ANKRD2: variants seen among roughly 807,000 people sequenced by gnomAD.
The protein encoded by ANKRD2 is ankyrin repeat domain-containing protein 2.
In ANKRD2, 35 loss-of-function variants were observed where a neutral mutation model predicts 37.3. The ratio of observed to expected loss-of-function variants is 0.94; its 90% confidence interval spans 0.72 to 1.24. The LOEUF (loss-of-function observed/expected upper bound fraction) is 1.24, where lower values mean the gene tolerates loss of function less well. ANKRD2 is among the 50% of genes most tolerant of loss of function. The pLI, the probability that ANKRD2 is intolerant of heterozygous loss-of-function variation, is 0.00. For missense variants in ANKRD2, 410 were observed against 445.6 expected (o/e 0.92, Z 0.72); for synonymous variants, 159 against 186.5 (o/e 0.85, Z 1.20).
At position 97,583,677 on chromosome 10, in the gene ANKRD2, G is replaced by T; in HGVS notation, c.954G>T (p.Gly318=). ...GGGCTGAGCATAACGGGCTGGAGGG[G>T]CCTAATGATAGTGGGCGAGAGACCC... ...EPGAEHNGLE[G]PNDSGRETPQ... The change falls in exon 9 of 9, where the codon GGG becomes GGT. Residue 318 remains glycine, a synonymous_variant. Transcript: ENST00000370655. 6.2e-7 allele frequency: 1 copy of T among 1,600,176 alleles called. No homozygotes were observed. The highest frequency in any genetic ancestry group is 8.5e-7 in the Non-Finnish European group (1 of 1,174,040).
At chr10:97,583,351 T>C (rs2040927755) in intron 8 of ANKRD2, among the ~76,000 whole-genome samples, 1 of 152,178 alleles carries the variant, frequency 6.6e-6, no homozygotes, top group Non-Finnish European at 1.5e-5. Context: ...TAGGGGACCA[T>C]CCTATGCCTT....
At chr10:97,576,148 C>G (rs1442444712) in intron 1 of ANKRD2, among the ~76,000 whole-genome samples, 1 of 152,174 alleles carries the variant, frequency 6.6e-6, no homozygotes, top group East Asian at 1.9e-4. Context: ...CTCTCAAAAC[C>G]ACCCTGAAGG....
At chr10:97,579,646 G>A (rs190489293) in intron 4 of ANKRD2, among the ~76,000 whole-genome samples, 13 of 151,316 alleles carry the variant, frequency 8.6e-5, no homozygotes, top group Admixed American at 2.6e-4. Flanking sequence ...GGAGTGCAGC[G>A]GTGCGATCTC....
At chr10:97,581,063 T>G in intron 5 of ANKRD2, 110 bp downstream of exon 5, 1 of 1,025,928 alleles carries the variant, frequency 9.7e-7, no homozygotes, top group Non-Finnish European at 1.5e-6. Context: ...GTTGCTCAGG[T>G]GCCAGACTCC....
chr10:97,582,328 C>T lies in ANKRD2; in HGVS notation c.668C>T (p.Pro223Leu), dbSNP rs145093754. The change falls in exon 7 of 9, where the codon CCG becomes CTG. Residue 223 changes from proline to leucine, a missense_variant. Physicochemically the swap from Pro to Leu is moderately conservative, Grantham distance 98. Transcript: ENST00000370655. ...CCTCCCACCCAGCTGCTGAGCACCC[C>T]GCTGCACGTGGCAGTCCGGACAGGG... ...TNVRDKLLST[P>L]LHVAVRTGQV... 1,069 of 1,556,264 alleles carry T rather than the reference C, an allele frequency of 6.9e-4. 6 individuals are homozygous for T. Among genetic ancestry groups the T allele is most frequent in the African/African-American group, 2.8e-3 (203 of 73,464 alleles).
chr10:97,576,167 C>T (rs534915451), intron 1 of ANKRD2, among the ~76,000 whole-genome samples: 26 of 152,248 alleles, frequency 1.7e-4, no homozygotes, highest in African/African-American at 6.3e-4. Context: ...GGAGCAAATG[C>T]GGGAGCTCAG....
intron 1 of ANKRD2, among the ~76,000 whole-genome samples, chr10:97,576,127 T>C (rs2040823213): frequency 6.6e-6 from 1 of 152,158 alleles, no homozygotes; most frequent in Admixed American, 6.5e-5. Context: ...AATGAAGACC[T>C]GGGAAATCGG....
chr10:97,580,834 T>C (rs1438648497), intron 4 of ANKRD2, 21 bp from the exon 5 acceptor site: 1 of 1,595,316 alleles, frequency 6.3e-7, no homozygotes, highest in Non-Finnish European at 8.6e-7. Flanking sequence ...GGCCAGGCCC[T>C]GACAGCCTCT....
intron 1 of ANKRD2, among the ~76,000 whole-genome samples, chr10:97,575,874 G>A (rs988833091): frequency 1.3e-5 from 2 of 150,436 alleles, no homozygotes; most frequent in Non-Finnish European, 2.9e-5. Flanking sequence ...TCACACCACC[G>A]CACTCCAGCC....
At chr10:97,577,144 C>T (rs1433311529) in intron 1 of ANKRD2, among the ~76,000 whole-genome samples, 1 of 151,988 alleles carries the variant, frequency 6.6e-6, no homozygotes. Context: ...GCTGGCACTA[C>T]AACAAAAGCC....
In ANKRD2 at chr10:97,580,921, G is replaced by C; in HGVS notation, c.523G>C (p.Asp175His). 6.2e-7 allele frequency: 1 copy of C among 1,605,856 alleles called. No individual in the cohort carries two copies. The highest frequency in any genetic ancestry group is 8.5e-7 in the Non-Finnish European group (1 of 1,176,400). ...CATGGAAATCCTGGAGAAGCTTCTA[G>C]ATAATGGGGCCACTGTGGACTTCCA... Reference protein sequence around the residue: ...GHMEILEKLLDNGATVDFQDR... With the variant: ...GHMEILEKLLHNGATVDFQDR... Residue 175 changes from aspartate to histidine, a missense_variant, in exon 5 of 9, where the codon GAT becomes CAT. By Grantham distance (81) the Asp-to-His change is moderately conservative (BLOSUM62 -1). Coordinates refer to ENST00000370655, the MANE Select transcript of ANKRD2 (RefSeq NM_001346793.2).
Position 97,582,528 on chromosome 10 carries a change from C to G in ANKRD2, c.754-76C>G, listed in dbSNP as rs376540091. 2.9e-4 allele frequency: 451 copies of G among 1,569,812 alleles called. 1 individual carries two copies. The African/African-American group carries it at 5.1e-3, about 18-fold the overall frequency. On this transcript the variant is annotated intron_variant, in intron 7 of 8. Coordinates refer to ENST00000370655, the MANE Select transcript of ANKRD2 (RefSeq NM_001346793.2). Reference sequence around the variant, plus strand: ...TCAGGACTTGGCTCCTGAGCAGGGTCTCCAGCCCACCTCCCATCACCCTTG... The same window carrying G: ...TCAGGACTTGGCTCCTGAGCAGGGTGTCCAGCCCACCTCCCATCACCCTTG...
At chr10:97,572,686 G>A (rs2040772956), upstream of ANKRD2, 1 of 1,589,756 alleles carries the variant, frequency 6.3e-7, no homozygotes, top group Non-Finnish European at 8.6e-7. Flanking sequence ...GGAGGCAGGT[G>A]GAGAATTGGG....
intron 6 of ANKRD2, among the ~76,000 whole-genome samples, chr10:97,582,099 A>G (rs1220777493): frequency 6.6e-6 from 1 of 152,234 alleles, no homozygotes; most frequent in Non-Finnish European, 1.5e-5. Flanking sequence ...GGAGAATCAC[A>G]GAAGGCTTCC....
chr10:97,578,164 CAGCTTAG>C, intron 2 of ANKRD2, 69 bp from the exon 3 acceptor site: 5 of 1,387,872 alleles, frequency 3.6e-6, no homozygotes, highest in Non-Finnish European at 2.9e-6. Flanking sequence ...CCCTCCCCAC[CAGCTTAG>C]CTCAGAGGTC....
rs1327193283 is a variant in ANKRD2 at position 97,583,627 on chromosome 10, C to T, written c.904C>T (p.His302Tyr). ...GCAGCTCTGGCAGGCTGATACCCGG[C>T]ACGCCCTGGAGCATCCTGAGCCGGG... The part of the protein sequence containing the change: ...LVQLWQADTR[H>Y]ALEHPEPGAE... Residue 302 changes from histidine (H) to tyrosine (Y), a missense_variant, in exon 9 of 9, where the codon CAC becomes TAC. By Grantham distance (83) the His-to-Tyr change is moderately conservative. Coordinates refer to ENST00000370655, the MANE Select transcript of ANKRD2 (RefSeq NM_001346793.2). 6.2e-7 allele frequency: 1 copy of T among 1,606,202 alleles called. No homozygotes were observed. The highest frequency in any genetic ancestry group is 1.1e-5 in the South Asian group (1 of 89,356).
At chr10:97,573,571 CAT>C in intron 1 of ANKRD2, among the ~76,000 whole-genome samples, 1 of 152,044 alleles carries the variant, frequency 6.6e-6, no homozygotes, top group East Asian at 1.9e-4. Context: ...GGATTACAGG[CAT>C]GCACCACCAT....
chr10:97,572,981 A>G, intron 1 of ANKRD2, 106 bp downstream of exon 1: 2 of 1,421,874 alleles, frequency 1.4e-6, no homozygotes, highest in Non-Finnish European at 9.4e-7. Flanking sequence ...AGGGGGGCAG[A>G]TGTCCCCAGG....
intron 1 of ANKRD2, among the ~76,000 whole-genome samples, chr10:97,574,303 T>C (rs973596064): frequency 1.3e-5 from 2 of 148,612 alleles, no homozygotes; most frequent in East Asian, 2.0e-4. Context: ...AAAAGGGGAC[T>C]CCTCTGTGGA....
Sources: allele counts gnomAD v4.1 joint callset (sites outside exome capture counted in the v4.1 genomes callset), GRCh38; gene constraint gnomAD v4.1.1; transcripts MANE v1.5; gene names NCBI Gene and HGNC (gene_info 2026-07-23, HGNC 2026-07-21).